The following CDK2AP1 variants were observed in gnomAD, a reference collection of about 807,000 sequenced individuals.
CDK2AP1 encodes the protein cyclin dependent kinase 2 associated protein 1.
In CDK2AP1, 10 loss-of-function variants were observed where a neutral mutation model predicts 14.1. That is an observed-to-expected ratio of 0.71 (90% CI 0.44 to 1.20). The LOEUF is 1.20. Ranked by LOEUF, CDK2AP1 falls within the 50% of genes most tolerant of loss-of-function variation. The probability of loss-of-function intolerance (pLI) is 0.00; values close to 1 mark genes in which losing one functional copy is unlikely to be tolerated. For missense variants in CDK2AP1, 102 were observed against 149.9 expected, an observed-to-expected ratio of 0.68 and a Z score of 1.67; for synonymous variants, 59 against 59.8, an observed-to-expected ratio of 0.99 and a Z score of 0.06.
At chr12:123,262,141 T>C (rs2048238674) in intron 3 of CDK2AP1, 3 of 222,294 alleles carry the variant, frequency 1.3e-5, no homozygotes. Flanking sequence ...GAGATTTTTC[T>C]CTGGCTTCTT....
intron 3 of CDK2AP1, among the ~76,000 whole-genome samples, chr12:123,262,956 G>A (rs370479225): frequency 6.6e-6 from 1 of 151,606 alleles, no homozygotes; most frequent in Non-Finnish European, 1.5e-5. Flanking sequence ...GCTCACACCT[G>A]TAATCCCAGC....
intron 1 of CDK2AP1, chr12:123,270,844 A>T (rs2048347287): frequency 2.0e-6 from 2 of 983,894 alleles, no homozygotes; most frequent in South Asian, 9.4e-5. Flanking sequence ...CGCGGGCCCC[A>T]GCAGCCCCAG....
chr12:123,270,339 C>T (rs1311401460), intron 1 of CDK2AP1: 1 of 192,884 alleles, frequency 5.2e-6, no homozygotes, highest in African/African-American at 2.4e-5. Flanking sequence ...TGCCCCTACA[C>T]CTCAGTGTCC....
chr12:123,268,693 AT>A (rs2048323243), intron 1 of CDK2AP1, among the ~76,000 whole-genome samples: 1 of 152,202 alleles, frequency 6.6e-6, no homozygotes, highest in African/African-American at 2.4e-5. Flanking sequence ...GATGAGACAC[AT>A]GCGGATGATG....
chr12:123,266,500 G>C (rs2048296381), intron 2 of CDK2AP1, among the ~76,000 whole-genome samples: 1 of 152,286 alleles, frequency 6.6e-6, no homozygotes, highest in Admixed American at 6.5e-5. Flanking sequence ...CCCAGCCAGG[G>C]AGAGCATCTT....
chr12:123,271,170 C>G (rs1276685568), intron 1 of CDK2AP1: 3 of 267,936 alleles, frequency 1.1e-5, no homozygotes, highest in African/African-American at 2.3e-5. Flanking sequence ...CCCCGCGCCC[C>G]GCTCCCGGCG....
intron 1 of CDK2AP1, among the ~76,000 whole-genome samples, chr12:123,269,608 C>A (rs1259335601): frequency 6.6e-6 from 1 of 152,176 alleles, no homozygotes; most frequent in Admixed American, 6.5e-5. Context: ...CGGCTCCCCA[C>A]CCCCACGCCA....
chr12:123,264,454 C>A (rs557480183), intron 3 of CDK2AP1, among the ~76,000 whole-genome samples: 54 of 73,340 alleles, frequency 7.4e-4, no homozygotes, highest in Admixed American at 5.7e-3. Context: ...GAGTAAAACT[C>A]CGTCTCCCAA....
At chr12:123,270,554 A>C (rs1340028617) in intron 1 of CDK2AP1, among the ~76,000 whole-genome samples, 10 of 151,510 alleles carry the variant, frequency 6.6e-5, no homozygotes, top group African/African-American at 2.4e-5. Flanking sequence ...GTTTCCGACC[A>C]AGTGTCAGAG....
chr12:123,264,490 A>AAAAAAAAAAAAT (rs1566003316), intron 3 of CDK2AP1, among the ~76,000 whole-genome samples: 1 of 117,724 alleles, frequency 8.5e-6, no homozygotes, highest in Non-Finnish European at 2.0e-5. Context: ...AAAAAAAAAA[A>AAAAAAAAAAAAT]AGAGCCCCAA....
At position 123,265,082 on chromosome 12, in the gene CDK2AP1, C is replaced by T. The variant is rs2048276139; in HGVS notation, c.280+114G>A. The stretch of plus-strand genomic sequence containing the variant: ...CGGCAACTCTGTAACAAGACAGGAG[C>T]TCCCATGAGTGAGCCTCATCCCTAG... On this transcript the variant is annotated intron_variant, in intron 3 of 3. Coordinates refer to ENST00000261692, the MANE Select transcript of CDK2AP1 (RefSeq NM_004642.4). This position sits in a 1 kb window ranked among gnomAD's most constrained non-coding sequence, Gnocchi z 5.3. 1.4e-6 allele frequency: 2 copies of T among 1,398,224 alleles called. No homozygotes were observed. The highest frequency in any genetic ancestry group is 1.2e-5 in the South Asian group (1 of 80,408). The allele number at this position is 1,398,224 out of a possible 1,614,324, so 86.6% of individuals were successfully genotyped here.
At chr12:123,261,926 G>A in intron 3 of CDK2AP1, 123 bp from the exon 4 acceptor site, 1 of 722,024 alleles carries the variant, frequency 1.4e-6, no homozygotes, top group Non-Finnish European at 2.5e-6. Context: ...GACATAAAGA[G>A]AACCAGGGAA....
In CDK2AP1 at chr12:123,271,555, C is replaced by A; in HGVS notation, c.55+9G>T. 1.0e-6 allele frequency: 1 copy of A among 1,003,734 alleles called. No homozygotes were observed. Among genetic ancestry groups the A allele is most frequent in the Non-Finnish European group, 1.2e-6 (1 of 843,016 alleles). The allele number at this position is 1,003,734 out of a possible 1,614,324, so 62.2% of individuals were successfully genotyped here. On this transcript the variant is annotated intron_variant, in intron 1 of 3. Transcript: ENST00000261692. Reference sequence around the variant, plus strand: ...GGCGCTTGGGGCGCGTCGCACGCGGCTCACTCACCGGCGTTGAGGGCGGCG... The same window carrying A: ...GGCGCTTGGGGCGCGTCGCACGCGGATCACTCACCGGCGTTGAGGGCGGCG...
intron 1 of CDK2AP1, chr12:123,271,113 C>T (rs1320859751): frequency 5.1e-6 from 4 of 779,428 alleles, no homozygotes; most frequent in Non-Finnish European, 6.2e-6. Flanking sequence ...GCCCGCAGCG[C>T]CCCCCGCCCG....
intron 2 of CDK2AP1, among the ~76,000 whole-genome samples, chr12:123,266,277 C>T (rs935169388): frequency 2.0e-5 from 3 of 152,240 alleles, no homozygotes; most frequent in Non-Finnish European, 4.4e-5. Flanking sequence ...CCTGTCCTGG[C>T]GCCGCCGTCG....
intron 3 of CDK2AP1, among the ~76,000 whole-genome samples, chr12:123,263,592 G>A (rs2048256504): frequency 6.6e-6 from 1 of 152,148 alleles, no homozygotes; most frequent in African/African-American, 2.4e-5. Context: ...GACCAGGGTT[G>A]GGCTCTGCAT....
At chr12:123,270,735 G>A (rs866125291) in intron 1 of CDK2AP1, among the ~76,000 whole-genome samples, 1 of 152,022 alleles carries the variant, frequency 6.6e-6, no homozygotes, top group Non-Finnish European at 1.5e-5. Flanking sequence ...GAAGCTTGAG[G>A]GGAGCCCCTC....
chr12:123,265,130 A>G lies in CDK2AP1; in HGVS notation c.280+66T>C, dbSNP rs1364662020. 2 of 1,599,990 alleles carry G rather than the reference A, an allele frequency of 1.3e-6. No homozygotes were observed. The highest frequency in any genetic ancestry group is 1.7e-5 in the Admixed American group (1 of 59,536). On this transcript the variant is annotated intron_variant, in intron 3 of 3. Transcript: ENST00000261692. This position sits in a 1 kb window ranked among gnomAD's most constrained non-coding sequence, Gnocchi z 5.3. ...TAGCCCACCTTCCCACATTTTCCCC[A>G]AAAGTCTTTCCAGAGTTAAAGGTCT...
At chr12:123,272,019 C>CCGGGCGGCTGCCCCG (rs2048359150), upstream of CDK2AP1, 1 of 148,104 alleles carries the variant, frequency 6.8e-6, no homozygotes, top group Non-Finnish European at 1.5e-5. Context: ...CCGCGCGCGT[C>CCGGGCGGCTGCCCCG]CGGGCGGCTG....
Sources: allele counts gnomAD v4.1 joint callset (sites outside exome capture counted in the v4.1 genomes callset), GRCh38; gene constraint gnomAD v4.1.1; non-coding constraint Gnocchi (gnomAD v3.1); transcripts MANE v1.5; gene names NCBI Gene and HGNC (gene_info 2026-07-23, HGNC 2026-07-21).